TENM3: variants seen among roughly 807,000 people sequenced by gnomAD.
TENM3 encodes the protein teneurin-3.
A neutral mutation model predicts 255.1 loss-of-function variants in TENM3; 63 were observed. That is an observed-to-expected ratio of 0.25 (90% confidence interval 0.20 to 0.30). TENM3 has a LOEUF of 0.30. TENM3 is among the 10% of genes least tolerant of loss of function. The pLI is 1.00. For missense variants in TENM3, 2,929 were observed against 3,461.1 expected, an observed-to-expected ratio of 0.85 and a Z score of 3.86; for synonymous variants, 1,306 against 1,322.3, an observed-to-expected ratio of 0.99 and a Z score of 0.27.
At chr4:181,767,274 AAG>A in the TENM3 span, among the ~76,000 whole-genome samples, 532 of 150,650 alleles carry the variant, frequency 3.5e-3, 2 homozygotes, top group South Asian at 9.6e-3. Context: ...AAAAAAAAGA[AAG>A]AAAACAAAAT....
At chr4:182,440,065 A>G (rs997464248) in intron 3 of TENM3, among the ~76,000 whole-genome samples, 2 of 150,180 alleles carry the variant, frequency 1.3e-5, no homozygotes, top group African/African-American at 4.9e-5. Context: ...GTAAATCTAC[A>G]TTATAGAACG....
chr4:182,757,980 A>T (rs1312353885), intron 22 of TENM3, among the ~76,000 whole-genome samples: 2 of 152,188 alleles, frequency 1.3e-5, no homozygotes, highest in African/African-American at 4.8e-5. Context: ...AATTTTATAT[A>T]TATCCATATA....
chr4:181,773,465 CCTT>C, the TENM3 span, among the ~76,000 whole-genome samples: 1 of 152,166 alleles, frequency 6.6e-6, no homozygotes, highest in Non-Finnish European at 1.5e-5. Context: ...TTGAAATGCA[CCTT>C]AAAGACTATC....
At chr4:181,529,353 T>C in the TENM3 span, among the ~76,000 whole-genome samples, 3 of 152,214 alleles carry the variant, frequency 2.0e-5, no homozygotes, top group Non-Finnish European at 4.4e-5. Context: ...TCTTGGGCGA[T>C]GACAGTGTAG....
chr4:181,501,648 G>C, the TENM3 span, among the ~76,000 whole-genome samples: 1 of 152,120 alleles, frequency 6.6e-6, no homozygotes, highest in African/African-American at 2.4e-5. Context: ...AAAGTGCTGA[G>C]ATTACAGGCG....
At chr4:182,439,986 T>C (rs1772337409) in intron 3 of TENM3, among the ~76,000 whole-genome samples, 1 of 152,166 alleles carries the variant, frequency 6.6e-6, no homozygotes, top group South Asian at 2.1e-4. Context: ...CTGGTTGCTG[T>C]CTTCGTTTAC....
chr4:181,616,475 ATATAC>A, the TENM3 span, among the ~76,000 whole-genome samples: 4 of 148,830 alleles, frequency 2.7e-5, no homozygotes, highest in African/African-American at 7.3e-5. Context: ...CATATAATTA[ATATAC>A]TATAATATCC....
chr4:182,165,236 A>G (rs1399045038), intron 1 of TENM3, among the ~76,000 whole-genome samples: 4 of 152,198 alleles, frequency 2.6e-5, no homozygotes, highest in Non-Finnish European at 4.4e-5. Flanking sequence ...AAGTGATTCT[A>G]TGATCAATAC....
chr4:181,910,139 A>G, the TENM3 span, among the ~76,000 whole-genome samples: 3 of 152,214 alleles, frequency 2.0e-5, no homozygotes, highest in Non-Finnish European at 4.4e-5. Context: ...TGGTCATTTT[A>G]TCAGTTTTAT....
chr4:182,100,806 T>C, the TENM3 span, among the ~76,000 whole-genome samples: 72 of 5,896 alleles, frequency 0.012, 14 homozygotes, highest in African/African-American at 0.023. Context: ...CACATATATA[T>C]ACACATATAT....
the TENM3 span, among the ~76,000 whole-genome samples, chr4:181,635,042 C>T: frequency 7.9e-5 from 12 of 152,154 alleles, no homozygotes; most frequent in African/African-American, 2.9e-4. Context: ...TGAGACCTAT[C>T]TCTGAAAACA....
the TENM3 span, among the ~76,000 whole-genome samples, chr4:181,641,897 G>A: frequency 1.4e-5 from 2 of 137,946 alleles, no homozygotes; most frequent in Non-Finnish European, 3.1e-5. Context: ...TTGGTTCCAA[G>A]TCTTTGTTAT....
intron 3 of TENM3, among the ~76,000 whole-genome samples, chr4:182,546,687 C>T (rs76654293): frequency 0.023 from 3,450 of 152,214 alleles, 75 homozygotes; most frequent in Non-Finnish European, 0.035. Context: ...ATTCTCCAAG[C>T]AACTGAAAAT....
intron 3 of TENM3, among the ~76,000 whole-genome samples, chr4:182,523,984 G>A (rs1430807042): frequency 6.6e-6 from 1 of 152,042 alleles, no homozygotes; most frequent in African/African-American, 2.4e-5. Flanking sequence ...CAGTTTAGAG[G>A]GAAGAATTTT....
At chr4:182,455,678 C>T (rs1452496556) in intron 3 of TENM3, among the ~76,000 whole-genome samples, 1 of 151,432 alleles carries the variant, frequency 6.6e-6, no homozygotes, top group Non-Finnish European at 1.5e-5. Context: ...TCTCCTGCCT[C>T]AGCCTCCCGA....
the TENM3 span, among the ~76,000 whole-genome samples, chr4:181,753,606 C>A: frequency 4.6e-5 from 7 of 152,076 alleles, no homozygotes; most frequent in Non-Finnish European, 7.4e-5. Context: ...TGGCATGAGC[C>A]ATTTTTCTCA....
chr4:182,087,220 CACTT>C, the TENM3 span, among the ~76,000 whole-genome samples: 1 of 152,138 alleles, frequency 6.6e-6, no homozygotes, highest in African/African-American at 2.4e-5. Context: ...TGCAAGTAAA[CACTT>C]ACTAATTAAA....
intron 3 of TENM3, among the ~76,000 whole-genome samples, chr4:182,555,714 G>C (rs960032762): frequency 2.0e-5 from 3 of 152,024 alleles, no homozygotes; most frequent in African/African-American, 7.2e-5. Context: ...TTAAATTGTT[G>C]CCCTTCAAAA....
At chr4:181,598,193 C>T in the TENM3 span, among the ~76,000 whole-genome samples, 1 of 152,174 alleles carries the variant, frequency 6.6e-6, no homozygotes, top group African/African-American at 2.4e-5. Flanking sequence ...CTACATTTCT[C>T]TTACTCCCTC....
Sources: allele counts gnomAD v4.1 joint callset (sites outside exome capture counted in the v4.1 genomes callset), GRCh38; gene constraint gnomAD v4.1.1; transcripts MANE v1.5; gene names NCBI Gene and HGNC (gene_info 2026-07-23, HGNC 2026-07-21).